ACAP2: variants seen among roughly 807,000 people sequenced by gnomAD.
ACAP2 encodes ArfGAP with coiled-coil, ankyrin repeat and PH domains 2.
ACAP2 carries 39 observed loss-of-function variants against 115.8 expected under a neutral mutation model. That is an observed-to-expected ratio of 0.34 (90% CI 0.26 to 0.44). The LOEUF is 0.44. Among genes scored for constraint, ACAP2 ranks in the 20% least tolerant of loss-of-function variants. The pLI is 1.00. For synonymous variants in ACAP2, 289 were observed against 315.8 expected, an observed-to-expected ratio of 0.92 and a Z score of 0.90; for missense variants, 662 against 927.6, an observed-to-expected ratio of 0.71 and a Z score of 3.72.
intron 4 of ACAP2, among the ~76,000 whole-genome samples, chr3:195,370,073 A>C (rs182085063): frequency 6.6e-6 from 1 of 152,110 alleles, no homozygotes; most frequent in East Asian, 1.9e-4. Context: ...GTGTCTGTTC[A>C]TGTCCTTTGC....
chr3:195,308,521 T>C (rs1728559284), intron 11 of ACAP2, among the ~76,000 whole-genome samples: 1 of 152,098 alleles, frequency 6.6e-6, no homozygotes, highest in African/African-American at 2.4e-5. Flanking sequence ...TTAAAAGCTA[T>C]CAAAACATTT....
At chr3:195,295,658 A>C (rs1727596097) in intron 17 of ACAP2, 50 bp downstream of exon 17, 1 of 1,596,256 alleles carries the variant, frequency 6.3e-7, no homozygotes, top group African/African-American at 1.3e-5. Context: ...TATAAAAGTG[A>C]TTTGAGCTTA....
At chr3:195,411,474 C>T (rs1229703403) in intron 1 of ACAP2, among the ~76,000 whole-genome samples, 1 of 152,058 alleles carries the variant, frequency 6.6e-6, no homozygotes, top group Non-Finnish European at 1.5e-5. Context: ...TACTTAATAC[C>T]ACTGAGCTGT....
chr3:195,418,708 G>A (rs544796000), intron 1 of ACAP2, among the ~76,000 whole-genome samples: 1 of 152,282 alleles, frequency 6.6e-6, no homozygotes, highest in Admixed American at 6.5e-5. Context: ...GGGATTACAG[G>A]CATGAGCCAC....
intron 9 of ACAP2, among the ~76,000 whole-genome samples, chr3:195,325,136 T>C (rs187183267): frequency 2.0e-5 from 3 of 152,270 alleles, no homozygotes; most frequent in East Asian, 1.9e-4. Flanking sequence ...AGCTGGCAAA[T>C]AGGAACTCTC....
At chr3:195,399,361 G>A (rs823297) in intron 1 of ACAP2, among the ~76,000 whole-genome samples, 25,830 of 151,992 alleles carry the variant, frequency 0.17, 2,436 homozygotes, top group Admixed American at 0.28. Flanking sequence ...TGTAGAGACA[G>A]GATCTCATTA....
At chr3:195,410,936 G>T in intron 1 of ACAP2, 1 of 339,142 alleles carries the variant, frequency 2.9e-6, no homozygotes. Context: ...GTGCCATCTT[G>T]AAAGCAGAGA....
intron 4 of ACAP2, among the ~76,000 whole-genome samples, chr3:195,360,120 G>A (rs368361322): frequency 1.3e-5 from 2 of 152,052 alleles, no homozygotes; most frequent in African/African-American, 4.8e-5. Flanking sequence ...GCAATAATCT[G>A]TTGCTTACAA....
intron 4 of ACAP2, among the ~76,000 whole-genome samples, chr3:195,363,876 C>A (rs1056153590): frequency 6.6e-6 from 1 of 152,186 alleles, no homozygotes; most frequent in Non-Finnish European, 1.5e-5. Context: ...AAAGGGCAGT[C>A]TGTTCAGTAA....
At chr3:195,307,457 T>C (rs1728496961) in intron 11 of ACAP2, 134 bp from the exon 12 acceptor site, 3 of 568,138 alleles carry the variant, frequency 5.3e-6, no homozygotes, top group Non-Finnish European at 9.3e-6. Flanking sequence ...GAAACAGGGG[T>C]TATCAATATA....
chr3:195,358,654 T>C (rs945421362), intron 4 of ACAP2, among the ~76,000 whole-genome samples: 9 of 151,992 alleles, frequency 5.9e-5, no homozygotes, highest in Admixed American at 1.3e-4. Context: ...CTGAGACTTA[T>C]GAGCCCTGTT....
At chr3:195,325,000 CA>C (rs933052873) in intron 9 of ACAP2, among the ~76,000 whole-genome samples, 96 of 152,112 alleles carry the variant, frequency 6.3e-4, no homozygotes, top group African/African-American at 2.1e-3. Flanking sequence ...ATAAGATATG[CA>C]AAAGACCAAT....
chr3:195,361,713 AAAC>A (rs536752291), intron 4 of ACAP2, among the ~76,000 whole-genome samples: 133 of 152,182 alleles, frequency 8.7e-4, no homozygotes, highest in Middle Eastern at 3.4e-3. Flanking sequence ...AAAAAGAAGA[AAAC>A]AATACAAAAA....
At chr3:195,439,015 C>A (rs1715800287) in intron 1 of ACAP2, among the ~76,000 whole-genome samples, 1 of 151,590 alleles carries the variant, frequency 6.6e-6, no homozygotes, top group Non-Finnish European at 1.5e-5. Flanking sequence ...GAGCCGACAT[C>A]GTGCCATTGC....
Position 195,443,003 on chromosome 3 carries a change from A to G in ACAP2, c.-156T>C. The G allele has an allele frequency of 3.5e-6, 2 of 578,762 alleles. No individual in the cohort carries two copies. Among genetic ancestry groups the G allele is most frequent in the Non-Finnish European group, 5.7e-6 (2 of 353,784 alleles). The allele number at this position is 578,762 out of a possible 1,614,324, so 35.9% of individuals were successfully genotyped here. On this transcript the variant is annotated 5_prime_UTR_variant, in exon 1 of 23. Coordinates refer to ENST00000326793, the MANE Select transcript of ACAP2 (RefSeq NM_012287.6). ...CCCGCTGGTCATAGCAGCCGCGAAG[A>G]CGGCGACGACTAGTCAGGCCCCAGT...
chr3:195,292,430 A>G lies in ACAP2; in HGVS notation c.1788T>C (p.Ser596=). 16 of 1,607,402 alleles carry G rather than the reference A, an allele frequency of 1.0e-5. No homozygotes were observed. Among genetic ancestry groups the G allele is most frequent in the Non-Finnish European group, 1.2e-5 (14 of 1,177,914 alleles). The change falls in exon 19 of 23, where the codon TCT becomes TCC. Residue 596 remains serine, a synonymous_variant. Transcript: ENST00000326793. ...TAAGATGTTTCGAGTCAAGAAACAT[A>G]GAAGAATCTTGCCTTTCTCCTTCTG... ...YEPEGERQDS[S]MFLDSKHLNP...
intron 18 of ACAP2, 120 bp from the exon 19 acceptor site, chr3:195,292,572 T>A: frequency 1.1e-6 from 1 of 898,088 alleles, no homozygotes; most frequent in Non-Finnish European, 1.7e-6. Context: ...TGAATGGCAG[T>A]AAAGATAGCA....
At chr3:195,283,596 A>G (rs1726648137) in intron 22 of ACAP2, among the ~76,000 whole-genome samples, 1 of 152,256 alleles carries the variant, frequency 6.6e-6, no homozygotes, top group Non-Finnish European at 1.5e-5. Flanking sequence ...GAGGAAAAAC[A>G]AACAGCCGCT....
At chr3:195,400,909 C>T (rs1712231504) in intron 1 of ACAP2, among the ~76,000 whole-genome samples, 1 of 152,140 alleles carries the variant, frequency 6.6e-6, no homozygotes, top group Non-Finnish European at 1.5e-5. Context: ...AAATTAGAAT[C>T]AGAGGCCAGG....
Sources: allele counts gnomAD v4.1 joint callset (sites outside exome capture counted in the v4.1 genomes callset), GRCh38; gene constraint gnomAD v4.1.1; transcripts MANE v1.5; gene names NCBI Gene and HGNC (gene_info 2026-07-23, HGNC 2026-07-21).